Variants in ROBO1 observed in about 807,000 individuals in gnomAD.
ROBO1 encodes roundabout guidance receptor 1.
Under a neutral mutation model 195.9 loss-of-function variants are expected in ROBO1, and 149 were observed. The ratio of observed to expected loss-of-function variants is 0.76; its 90% CI spans 0.67 to 0.87. The LOEUF (loss-of-function observed/expected upper bound fraction) is 0.87. Ranked by LOEUF, ROBO1 falls within the 40% of genes least tolerant of loss-of-function variation. The pLI is 0.00. For missense variants in ROBO1, 1,933 were observed against 2,068.3 expected, an observed-to-expected ratio of 0.93 and a Z score of 1.27; for synonymous variants, 816 against 733.2, an observed-to-expected ratio of 1.11 and a Z score of -1.82.
intron 28 of ROBO1, among the ~76,000 whole-genome samples, chr3:78,607,695 C>T (rs1276993096): frequency 6.6e-6 from 1 of 152,172 alleles, no homozygotes; most frequent in Non-Finnish European, 1.5e-5. Flanking sequence ...GTACCAGATG[C>T]ATGCCTTTGC....
chr3:79,265,615 A>G (rs1051847999), intron 2 of ROBO1, among the ~76,000 whole-genome samples: 10 of 151,586 alleles, frequency 6.6e-5, no homozygotes, highest in Non-Finnish European at 8.9e-5. Context: ...GGGTAAGAAG[A>G]GCTTTCAGAG....
At chr3:79,756,112 C>A (rs1237430686) in intron 1 of ROBO1, among the ~76,000 whole-genome samples, 1 of 152,162 alleles carries the variant, frequency 6.6e-6, no homozygotes, top group Non-Finnish European at 1.5e-5. Flanking sequence ...GTCCATAGGG[C>A]AGATGCATTG....
intron 2 of ROBO1, among the ~76,000 whole-genome samples, chr3:79,422,923 A>G (rs1480230792): frequency 6.6e-6 from 1 of 152,098 alleles, no homozygotes; most frequent in African/African-American, 2.4e-5. Context: ...AACTCAATTC[A>G]TATTATCTCT....
intron 2 of ROBO1, among the ~76,000 whole-genome samples, chr3:79,350,231 C>G (rs1345640331): frequency 6.6e-6 from 1 of 152,054 alleles, no homozygotes; most frequent in African/African-American, 2.4e-5. Flanking sequence ...AAATGCAAAG[C>G]AAAACTACAA....
intron 3 of ROBO1, among the ~76,000 whole-genome samples, chr3:78,979,058 T>C (rs977497388): frequency 6.6e-6 from 1 of 152,158 alleles, no homozygotes; most frequent in African/African-American, 2.4e-5. Context: ...TATATGCAAG[T>C]ATGAATTGGT....
rs1298796846 is a variant in ROBO1, at chr3:79,536,646, T to C, written c.88+53178A>G. 2.6e-5 allele frequency among the ~76,000 whole-genome samples: 4 copies of C among 151,746 alleles called. No individual in the cohort carries two copies. The South Asian group carries it at 8.3e-4, about 31-fold the overall frequency. On this transcript the variant is annotated intron_variant, in intron 2 of 30. Coordinates refer to ENST00000464233, the MANE Select transcript of ROBO1 (RefSeq NM_002941.4). ...GTACAGTAAAAGTTTATATCTATAT[T>C]AGTGATATTCATGAAACAATATCAA... is the stretch of plus-strand genomic sequence containing the variant.
chr3:78,920,985 C>A (rs990406486), intron 4 of ROBO1, among the ~76,000 whole-genome samples: 1 of 151,990 alleles, frequency 6.6e-6, no homozygotes, highest in Non-Finnish European at 1.5e-5. Flanking sequence ...TGTGACATGG[C>A]AAATTTATTT....
chr3:79,184,547 C>T (rs934390002), intron 2 of ROBO1, among the ~76,000 whole-genome samples: 9 of 152,154 alleles, frequency 5.9e-5, no homozygotes, highest in African/African-American at 1.7e-4. Context: ...TCCTATTTCT[C>T]TTGGTCAGTG....
intron 4 of ROBO1, among the ~76,000 whole-genome samples, chr3:78,799,393 G>C (rs1167217588): frequency 1.3e-5 from 2 of 151,904 alleles, no homozygotes; most frequent in African/African-American, 4.8e-5. Flanking sequence ...CCAGGCTGGA[G>C]TGCAGTGGCA....
At chr3:79,374,993 G>A (rs765566143) in intron 2 of ROBO1, among the ~76,000 whole-genome samples, 5 of 151,948 alleles carry the variant, frequency 3.3e-5, no homozygotes, top group Admixed American at 1.3e-4. Context: ...TTTATTCAAC[G>A]TTTATTTATT....
intron 2 of ROBO1, among the ~76,000 whole-genome samples, chr3:79,335,815 A>G (rs2034642072): frequency 6.6e-6 from 1 of 152,210 alleles, no homozygotes; most frequent in South Asian, 2.1e-4. Context: ...GGAAGAAGAC[A>G]GGAAGATGTG....
At chr3:79,529,252 G>T (rs929423419) in intron 2 of ROBO1, among the ~76,000 whole-genome samples, 3 of 152,162 alleles carry the variant, frequency 2.0e-5, no homozygotes, top group Non-Finnish European at 2.9e-5. Flanking sequence ...TGAGGCTGAG[G>T]GTGGCAGATT....
chr3:79,200,517 A>G (rs2081743132), intron 2 of ROBO1, among the ~76,000 whole-genome samples: 1 of 151,742 alleles, frequency 6.6e-6, no homozygotes, highest in East Asian at 1.9e-4. Context: ...ATAGGCATGA[A>G]AGAAGGAAAG....
At chr3:79,170,010 T>C (rs2081138303) in intron 2 of ROBO1, among the ~76,000 whole-genome samples, 1 of 152,164 alleles carries the variant, frequency 6.6e-6, no homozygotes, top group African/African-American at 2.4e-5. Context: ...TAAACGTTTA[T>C]AGTCAAAGAG....
chr3:79,199,242 G>T (rs1223253147), intron 2 of ROBO1, among the ~76,000 whole-genome samples: 1 of 151,798 alleles, frequency 6.6e-6, no homozygotes, highest in Admixed American at 6.6e-5. Flanking sequence ...TCACTGGTTA[G>T]ATTTAAAGCA....
chr3:79,015,765 G>C (rs2077916234), intron 3 of ROBO1, among the ~76,000 whole-genome samples: 1 of 152,196 alleles, frequency 6.6e-6, no homozygotes, highest in Non-Finnish European at 1.5e-5. Flanking sequence ...CAAGTTAATA[G>C]ATAAAAGGCT....
chr3:79,055,301 C>G (rs1247062656), intron 3 of ROBO1, among the ~76,000 whole-genome samples: 1 of 152,086 alleles, frequency 6.6e-6, no homozygotes, highest in African/African-American at 2.4e-5. Flanking sequence ...AGACACGTGG[C>G]CCTGGGATGG....
At chr3:78,940,439 A>G (rs1418775421) in intron 3 of ROBO1, among the ~76,000 whole-genome samples, 1 of 152,180 alleles carries the variant, frequency 6.6e-6, no homozygotes, top group Non-Finnish European at 1.5e-5. Flanking sequence ...AACTAGACCT[A>G]CAAGAGTTAG....
At chr3:79,461,457 T>C (rs1657969962) in intron 2 of ROBO1, among the ~76,000 whole-genome samples, 1 of 152,150 alleles carries the variant, frequency 6.6e-6, no homozygotes, top group African/African-American at 2.4e-5. Context: ...GGGGCACAGC[T>C]GAGCACACCC....
Sources: gnomAD v4.1 joint callset for allele counts (sites outside exome capture counted in the v4.1 genomes callset) on GRCh38, gnomAD v4.1.1 for gene constraint, MANE v1.5 for transcripts, NCBI Gene and HGNC (gene_info 2026-07-23, HGNC 2026-07-21) for gene names.